SPTBN5: variants seen among roughly 807,000 people sequenced by gnomAD.
SPTBN5 encodes the protein spectrin beta, non-erythrocytic 5.
In SPTBN5, 513 loss-of-function variants were observed where a neutral mutation model predicts 477.6. The observed-to-expected ratio is 1.07, with a 90% CI of 1.00 to 1.16. The LOEUF is 1.16. Ranked by LOEUF, SPTBN5 falls within the 50% of genes most tolerant of loss-of-function variation. The probability of loss-of-function intolerance (pLI) is 0.00; values close to 1 mark genes in which losing one functional copy is unlikely to be tolerated. For missense variants in SPTBN5, 5,062 were observed against 4,731.8 expected (o/e 1.07, Z -2.05); for synonymous variants, 2,169 against 2,011.7 (o/e 1.08, Z -2.09).
Position 41,870,530 on chromosome 15 carries a change from G to A in SPTBN5, c.5478C>T (p.Thr1826=), listed in dbSNP as rs1263344097. ...QTAWSELWEL[T]QARGHALRDT... ...CTCGGAGCGCGTGGCCTCGGGCCTG[G>A]GTCAGCTCCCACAGCTCCGACCAGG... The change falls in exon 30 of 68, where the codon ACC becomes ACT. Residue 1826 remains threonine (T), a synonymous_variant. Transcript: ENST00000320955. 4 of 1,611,286 alleles carry A rather than the reference G, an allele frequency of 2.5e-6. No homozygotes were observed. In the East Asian group the frequency reaches 8.9e-5, roughly 36 times the overall value.
In SPTBN5 at chr15:41,879,320, GC is replaced by G. The variant is rs1337918839; in HGVS notation, c.3121del (p.Ala1041ProfsTer20). ...CTCCAGCACCAGGGTCTTCTTCTGG[GC>G]CAGCTGCAGGGCGTGGCAGGTGTCC... ...SEDTCHALQL[A>X]QKKTLVLERR... On this transcript the variant is annotated frameshift_variant, in exon 16 of 68. Coordinates refer to ENST00000320955, the MANE Select transcript of SPTBN5 (RefSeq NM_016642.4). LOFTEE classifies it high-confidence loss of function. 2 of 1,611,264 alleles carry G rather than the reference GC, an allele frequency of 1.2e-6. No individual in the cohort carries two copies. The highest frequency in any genetic ancestry group is 1.7e-6 in the Non-Finnish European group (2 of 1,179,856).
At chr15:41,849,386 G>A (rs537297481) in intron 67 of SPTBN5, among the ~76,000 whole-genome samples, 1 of 152,222 alleles carries the variant, frequency 6.6e-6, no homozygotes, top group Non-Finnish European at 1.5e-5. Flanking sequence ...GTGGGGATTG[G>A]GGAAAGCAGG....
intron 67 of SPTBN5, 46 bp from the exon 68 acceptor site, chr15:41,848,674 A>G: frequency 6.2e-7 from 1 of 1,611,318 alleles, no homozygotes; most frequent in Non-Finnish European, 8.5e-7. Context: ...GCCACCCCAG[A>G]ATCTTCTCCA....
intron 67 of SPTBN5, among the ~76,000 whole-genome samples, chr15:41,849,142 CCCT>C (rs1393102212): frequency 6.6e-6 from 1 of 152,218 alleles, no homozygotes; most frequent in South Asian, 2.1e-4. Context: ...TGTCTCCAGT[CCCT>C]CCTCCACTTT....
At chr15:41,872,019 G>T (rs1327331564) in intron 27 of SPTBN5, 102 bp from the exon 28 acceptor site, 8 of 1,389,400 alleles carry the variant, frequency 5.8e-6, no homozygotes, top group Non-Finnish European at 6.7e-6. Flanking sequence ...GGTTACTCAT[G>T]GTCTCTGTCC....
chr15:41,869,334 C>T (rs757699101), intron 32 of SPTBN5, among the ~76,000 whole-genome samples: 2 of 152,206 alleles, frequency 1.3e-5, no homozygotes, highest in East Asian at 1.9e-4. Context: ...AGTGGGATGC[C>T]GGGGACACCC....
rs777262462 is a variant in SPTBN5, at chr15:41,881,953, G to A, written c.2440C>T (p.Arg814Trp). 2.0e-6 allele frequency: 3 copies of A among 1,529,012 alleles called. No individual in the cohort carries two copies. The highest frequency in any genetic ancestry group is 2.6e-6 in the Non-Finnish European group (3 of 1,147,178). 94.7% of individuals were successfully genotyped at this position (1,529,012 alleles called of 1,614,324 possible). ...GTCCTCACCGTGAATAACGACGCCC[G>A]GGCCGAGGCCGCCCGCCCCTGCTCC... ...LEEQGRAASA[R>W]ASLFTVNSAL... Residue 814 changes from arginine (R) to tryptophan (W), a missense_variant, in exon 12 of 68, where the codon CGG becomes TGG. Transcript: ENST00000320955.
At position 41,871,919 on chromosome 15, in the gene SPTBN5, T is replaced by C. The variant is rs540562947; in HGVS notation, c.5166-2A>G. The C allele has an allele frequency of 2.6e-6, 4 of 1,567,248 alleles. No homozygotes were observed. The highest frequency in any genetic ancestry group is 2.7e-5 in the African/African-American group (2 of 73,846). ...AGGGTCCCCTCCAGTTCCCGGTCCCTGTGGTAACAGTCCGTGGTTCCCCAG... is the reference window on the plus strand; with the variant it reads ...AGGGTCCCCTCCAGTTCCCGGTCCCCGTGGTAACAGTCCGTGGTTCCCCAG... On this transcript the variant is annotated splice_acceptor_variant, in intron 27 of 67. Transcript: ENST00000320955. LOFTEE classifies it high-confidence loss of function.
In SPTBN5 at chr15:41,851,160, G is replaced by A. The variant is rs1326985572; in HGVS notation, c.10744-10C>T. ...CTATGGAAGCTACTTTCTGAGGAGA[G>A]ATGAGAGGCAGGGGTCACTGCGGCC... On this transcript the variant is annotated splice_polypyrimidine_tract_variant and intron_variant, in intron 64 of 67. Transcript: ENST00000320955. 1.2e-6 allele frequency: 2 copies of A among 1,611,772 alleles called. No individual in the cohort carries two copies. The highest frequency in any genetic ancestry group is 1.7e-6 in the Non-Finnish European group (2 of 1,179,164).
In SPTBN5 at chr15:41,855,565, T is replaced by C; in HGVS notation, c.9202A>G (p.Arg3068Gly). 1 of 1,610,436 alleles carries C rather than the reference T, an allele frequency of 6.2e-7. No homozygotes were observed. Among genetic ancestry groups the C allele is most frequent in the South Asian group, 1.1e-5 (1 of 90,988 alleles). ...TCCGCCCACCTTTCTGGGTTCTTCC[T>C]GCTCTCCAGGAGTGCTGCTGTCTGC... ...LQQTAALLESRKNPESPKVLA... is the reference protein window; with the variant it reads ...LQQTAALLESGKNPESPKVLA... Residue 3068 changes from arginine to glycine, a missense_variant, in exon 54 of 68, where the codon AGG becomes GGG. Transcript: ENST00000320955.
At position 41,868,397 on chromosome 15, in the gene SPTBN5, C is replaced by A; in HGVS notation, c.6057+1G>T. The A allele has an allele frequency of 6.3e-7, 1 of 1,598,812 alleles. No individual in the cohort carries two copies. The highest frequency in any genetic ancestry group is 8.5e-7 in the Non-Finnish European group (1 of 1,171,280). On this transcript the variant is annotated splice_donor_variant, in intron 33 of 67. Transcript: ENST00000320955. LOFTEE classifies it high-confidence loss of function. ...TGGGGGCACCAGGGGAGGGGGCCCACCTCCTTGGTGGGTGTCCCTGCAGCA... is the reference window on the plus strand; with the variant it reads ...TGGGGGCACCAGGGGAGGGGGCCCAACTCCTTGGTGGGTGTCCCTGCAGCA...
intron 16 of SPTBN5, among the ~76,000 whole-genome samples, 160 bp from the exon 17 acceptor site, chr15:41,878,789 C>T (rs2140955046): frequency 6.6e-6 from 1 of 152,328 alleles, no homozygotes; most frequent in South Asian, 2.1e-4. Context: ...TAGGGCTCGC[C>T]AGGTGCAGTG....
In SPTBN5 at chr15:41,886,176, A is replaced by G. The variant is rs559551424; in HGVS notation, c.1079T>C (p.Leu360Pro). The G allele has an allele frequency of 5.0e-6, 8 of 1,612,840 alleles. No homozygotes were observed. In the East Asian group the frequency reaches 1.8e-4, roughly 36 times the overall value. Residue 360 changes from leucine to proline, a missense_variant, in exon 7 of 68, where the codon CTA (leucine) becomes CCA (proline). By Grantham distance (98) the Leu-to-Pro change is moderately conservative (BLOSUM62 -3). Coordinates refer to ENST00000320955, the MANE Select transcript of SPTBN5 (RefSeq NM_016642.4). ...IFRTQEKPPRLQQRGAAEALL... is the reference protein window; with the variant it reads ...IFRTQEKPPRPQQRGAAEALL... ...GGCCTCTGCGGCCCCTCGCTGCTGT[A>G]GCCGGGGTGGCTTCTCCTGGGTGCG...
rs75270167 is a variant in SPTBN5, at chr15:41,880,707, C to A, written c.2658+327G>T. Among the ~76,000 whole-genome samples, 112 of 152,292 alleles carry A rather than the reference C, an allele frequency of 7.4e-4. 1 individual carries two copies. In the East Asian group the frequency reaches 0.018, roughly 25 times the overall value. On this transcript the variant is annotated intron_variant, in intron 13 of 67. Transcript: ENST00000320955. ...TGTGCTGCAGGGACCTGGGCCTTCGCTTCCTCCGCTGGGCCCCCTTCCTAC... is the reference window on the plus strand; with the variant it reads ...TGTGCTGCAGGGACCTGGGCCTTCGATTCCTCCGCTGGGCCCCCTTCCTAC...
At chr15:41,852,599 A>T in intron 61 of SPTBN5, 35 bp downstream of exon 61, 1 of 1,595,514 alleles carries the variant, frequency 6.3e-7, no homozygotes, top group South Asian at 1.1e-5. Flanking sequence ...CTGTTCCCCC[A>T]CCAGCCCTCA....
intron 13 of SPTBN5, 56 bp from the exon 14 acceptor site, chr15:41,880,368 CAG>C: frequency 6.6e-7 from 1 of 1,515,970 alleles, no homozygotes; most frequent in Non-Finnish European, 8.8e-7. Flanking sequence ...ACAGGGCTCT[CAG>C]AGCGGGTCAA....
intron 41 of SPTBN5, among the ~76,000 whole-genome samples, chr15:41,863,189 A>G (rs2066177316): frequency 6.6e-6 from 1 of 152,252 alleles, no homozygotes; most frequent in Non-Finnish European, 1.5e-5. Flanking sequence ...AAATAGAGCA[A>G]GGATGGACAG....
intron 39 of SPTBN5, among the ~76,000 whole-genome samples, chr15:41,865,532 C>T (rs767330338): frequency 4.1e-4 from 62 of 152,292 alleles, no homozygotes; most frequent in Non-Finnish European, 5.9e-4. Flanking sequence ...TGCATCTGTG[C>T]GGGGCAGTGG....
intron 59 of SPTBN5, 107 bp from the exon 60 acceptor site, chr15:41,853,107 G>C (rs538171573): frequency 1.4e-6 from 2 of 1,433,618 alleles, no homozygotes; most frequent in South Asian, 2.9e-5. Flanking sequence ...GGAAGGCTGT[G>C]AGACCCGCAC....
Sources: allele counts gnomAD v4.1 joint callset (sites outside exome capture counted in the v4.1 genomes callset), GRCh38; gene constraint gnomAD v4.1.1; transcripts MANE v1.5; gene names NCBI Gene and HGNC (gene_info 2026-07-23, HGNC 2026-07-21).